Variants in PACSIN2 observed in about 807,000 individuals in gnomAD.
PACSIN2 encodes the protein protein kinase C and casein kinase substrate in neurons protein 2.
PACSIN2 carries 25 observed loss-of-function variants against 63.8 expected under a neutral mutation model. That is an observed-to-expected ratio of 0.39 (90% CI 0.29 to 0.55). PACSIN2 has a LOEUF of 0.55. Ranked by LOEUF, PACSIN2 falls within the 20% of genes least tolerant of loss-of-function variation. The pLI, the probability that PACSIN2 is intolerant of heterozygous loss-of-function variation, is 0.62. For missense variants in PACSIN2, 518 were observed against 646.9 expected (o/e 0.80, Z 2.16); for synonymous variants, 255 against 256.2 (o/e 1.00, Z 0.05).
At chr22:42,955,798 T>C (rs1414162653) in intron 1 of PACSIN2, among the ~76,000 whole-genome samples, 5 of 152,208 alleles carry the variant, frequency 3.3e-5, no homozygotes, top group Non-Finnish European at 5.9e-5. Flanking sequence ...TAGTAACAAA[T>C]GTTTCTGTCT....
At position 42,884,420 on chromosome 22, in the gene PACSIN2, C is replaced by T. The variant is rs369964899; in HGVS notation, c.751G>A (p.Val251Ile). ...TTGGACAGGTCTAGGTGCTTCTGAA[C>T]CTCCAGCAGAACCTCCCGGAAGAAG... ...LRFFREVLLE[V>I]QKHLDLSNVA... Residue 251 changes from valine to isoleucine, a missense_variant, in exon 6 of 11, where the codon GTT (valine) becomes ATT (isoleucine). Coordinates refer to ENST00000263246, the MANE Select transcript of PACSIN2 (RefSeq NM_001184970.3). 2 of 1,614,216 alleles carry T rather than the reference C, an allele frequency of 1.2e-6. No individual in the cohort carries two copies. Among genetic ancestry groups the T allele is most frequent in the African/African-American group, 1.3e-5 (1 of 75,056 alleles).
intron 1 of PACSIN2, among the ~76,000 whole-genome samples, chr22:42,967,724 T>A (rs2146860851): frequency 6.6e-6 from 1 of 151,982 alleles, no homozygotes; most frequent in African/African-American, 2.4e-5. Flanking sequence ...CCATCTCTAC[T>A]AAAAATACAA....
chr22:42,913,167 C>T (rs533314822), intron 1 of PACSIN2, among the ~76,000 whole-genome samples: 4 of 152,266 alleles, frequency 2.6e-5, no homozygotes, highest in South Asian at 4.1e-4. Context: ...CTCTGTGCCT[C>T]GCTTGCCTTA....
At chr22:42,928,406 T>C (rs1932671930) in intron 1 of PACSIN2, among the ~76,000 whole-genome samples, 1 of 152,254 alleles carries the variant, frequency 6.6e-6, no homozygotes, top group African/African-American at 2.4e-5. Flanking sequence ...TCAGTTGCTG[T>C]GGAGGCAGGT....
chr22:43,008,399 C>T (rs571319998), intron 1 of PACSIN2, among the ~76,000 whole-genome samples: 1 of 152,228 alleles, frequency 6.6e-6, no homozygotes, highest in East Asian at 1.9e-4. Flanking sequence ...TACAGGCACG[C>T]ACCACCATGA....
At chr22:42,990,601 C>T (rs571267102) in intron 1 of PACSIN2, among the ~76,000 whole-genome samples, 28 of 152,172 alleles carry the variant, frequency 1.8e-4, no homozygotes, top group African/African-American at 4.8e-4. Context: ...CAGGCAAAGA[C>T]GGGAAGAATG....
chr22:42,970,591 G>C (rs994651479), intron 1 of PACSIN2, among the ~76,000 whole-genome samples: 1 of 152,096 alleles, frequency 6.6e-6, no homozygotes. Flanking sequence ...AAAATAAAAA[G>C]TTTATTATAG....
chr22:42,899,146 C>T (rs1403989021), intron 2 of PACSIN2, among the ~76,000 whole-genome samples: 1 of 152,192 alleles, frequency 6.6e-6, no homozygotes, highest in Non-Finnish European at 1.5e-5. Flanking sequence ...CCTAATCCAC[C>T]ACTCTTTCTC....
intron 1 of PACSIN2, among the ~76,000 whole-genome samples, chr22:42,989,236 G>A (rs1036651148): frequency 8.5e-5 from 13 of 152,144 alleles, no homozygotes; most frequent in Non-Finnish European, 1.5e-4. Flanking sequence ...AGTGGCTCAC[G>A]CCTATTAACC....
intron 1 of PACSIN2, among the ~76,000 whole-genome samples, chr22:43,009,235 G>T (rs368286642): frequency 6.6e-6 from 1 of 152,206 alleles, no homozygotes; most frequent in African/African-American, 2.4e-5. Flanking sequence ...CTCCATCAAC[G>T]TGCTGACCAA....
intron 7 of PACSIN2, 90 bp from the exon 8 acceptor site, chr22:42,879,259 A>T (rs1040857015): frequency 2.9e-5 from 42 of 1,427,544 alleles, no homozygotes; most frequent in Non-Finnish European, 3.8e-5. Context: ...GCGAGCCTGC[A>T]GTTGGCTCTG....
chr22:42,871,016 G>C lies in PACSIN2; in HGVS notation c.*341C>G, dbSNP rs1340136282. On this transcript the variant is annotated 3_prime_UTR_variant, in exon 11 of 11. Transcript: ENST00000263246. This position sits in a 1 kb window ranked among gnomAD's most constrained non-coding sequence, Gnocchi z 5.4. ...GCAGGTGATGGACTCGTCAGAGAGA[G>C]TAATCAGTGGAACAAGATCAGTGTA... 3.5e-6 allele frequency: 1 copy of C among 284,958 alleles called. No individual in the cohort carries two copies. Among genetic ancestry groups the C allele is most frequent in the African/African-American group, 2.1e-5 (1 of 47,344 alleles). The allele number at this position is 284,958 out of a possible 1,614,324, so 17.7% of individuals were successfully genotyped here.
intron 1 of PACSIN2, among the ~76,000 whole-genome samples, chr22:42,993,370 GATGGCTTAAC>G (rs1421957721): frequency 6.6e-6 from 1 of 152,182 alleles, no homozygotes; most frequent in Non-Finnish European, 1.5e-5. Context: ...TCTTTGCAAT[GATGGCTTAAC>G]AGTGTATTCA....
chr22:42,884,437 C>T lies in PACSIN2; in HGVS notation c.734G>A (p.Arg245Gln), dbSNP rs1489342287. Residue 245 changes from arginine to glutamine, a missense_variant, in exon 6 of 11, where the codon CGG (arginine) becomes CAG (glutamine). Coordinates refer to ENST00000263246, the MANE Select transcript of PACSIN2 (RefSeq NM_001184970.3). ...CTTCTGAACCTCCAGCAGAACCTCC[C>T]GGAAGAAGCGAAGGCGTTTCTCCTC... ...QFEEKRLRFFREVLLEVQKHL... is the reference protein window; with the variant it reads ...QFEEKRLRFFQEVLLEVQKHL... 10 of 1,614,084 alleles carry T rather than the reference C, an allele frequency of 6.2e-6. No homozygotes were observed. Among genetic ancestry groups the T allele is most frequent in the Middle Eastern group, 1.6e-4 (1 of 6,084 alleles).
At chr22:43,001,631 G>T (rs942200065) in intron 1 of PACSIN2, among the ~76,000 whole-genome samples, 4 of 152,194 alleles carry the variant, frequency 2.6e-5, no homozygotes, top group African/African-American at 9.7e-5. Context: ...TGCTGTTTGT[G>T]GCTGTTTCCT....
At chr22:42,921,482 C>G (rs141899828) in intron 1 of PACSIN2, among the ~76,000 whole-genome samples, 5 of 152,160 alleles carry the variant, frequency 3.3e-5, no homozygotes, top group African/African-American at 1.2e-4. Flanking sequence ...GGCCACTCTC[C>G]CATTTAGGGG....
intron 1 of PACSIN2, among the ~76,000 whole-genome samples, chr22:43,000,600 G>A (rs1923707612): frequency 6.6e-6 from 1 of 152,146 alleles, no homozygotes; most frequent in South Asian, 2.1e-4. Flanking sequence ...AGCAATTCTG[G>A]AAATGAGCGT....
intron 1 of PACSIN2, among the ~76,000 whole-genome samples, chr22:42,997,876 G>A (rs1275321360): frequency 6.6e-6 from 1 of 152,150 alleles, no homozygotes; most frequent in East Asian, 1.9e-4. Context: ...GCAAGACTCT[G>A]TCTCAAAAAA....
chr22:42,945,128 C>G (rs538652880), intron 1 of PACSIN2, among the ~76,000 whole-genome samples: 1 of 151,158 alleles, frequency 6.6e-6, no homozygotes, highest in South Asian at 2.1e-4. Context: ...AGGGCTGTGT[C>G]ATCTCCGTAT....
Sources: allele counts gnomAD v4.1 joint callset (sites outside exome capture counted in the v4.1 genomes callset), GRCh38; gene constraint gnomAD v4.1.1; non-coding constraint Gnocchi (gnomAD v3.1); transcripts MANE v1.5; gene names NCBI Gene and HGNC (gene_info 2026-07-23, HGNC 2026-07-21).